LHFPL3: variants seen among roughly 807,000 people sequenced by gnomAD.
LHFPL3 encodes LHFPL tetraspan subfamily member 3 protein.
LHFPL3 carries 5 observed loss-of-function variants against 19.3 expected under a neutral mutation model. The ratio of observed to expected loss-of-function variants is 0.26; its 90% confidence interval spans 0.14 to 0.54. The LOEUF is 0.54. LHFPL3 is among the 20% of genes least tolerant of loss of function. The pLI, the probability that LHFPL3 is intolerant of heterozygous loss-of-function variation, is 0.94. For synonymous variants in LHFPL3, 133 were observed against 126.2 expected (o/e 1.05, Z -0.36); for missense variants, 249 against 307.4 (o/e 0.81, Z 1.42).
intron 1 of LHFPL3, among the ~76,000 whole-genome samples, chr7:104,680,578 C>T (rs1285439546): frequency 2.6e-5 from 4 of 152,184 alleles, no homozygotes; most frequent in African/African-American, 9.7e-5. Context: ...GCCATAGAAA[C>T]ACCTCCCCTT....
At chr7:104,420,591 G>A (rs1791710402) in intron 1 of LHFPL3, among the ~76,000 whole-genome samples, 2 of 117,676 alleles carry the variant, frequency 1.7e-5, no homozygotes, top group African/African-American at 6.5e-5. Context: ...ACGGAGTCTC[G>A]CTCTTTCGCC....
At chr7:104,343,793 C>A (rs1036967927) in intron 1 of LHFPL3, among the ~76,000 whole-genome samples, 4 of 151,528 alleles carry the variant, frequency 2.6e-5, no homozygotes, top group African/African-American at 7.3e-5. Context: ...TACCTGCTAC[C>A]CACTCCCCTG....
chr7:104,650,131 C>A (rs1792005183), intron 1 of LHFPL3, among the ~76,000 whole-genome samples: 1 of 152,198 alleles, frequency 6.6e-6, no homozygotes, highest in African/African-American at 2.4e-5. Context: ...GAGCACAAGT[C>A]TGCAGTTGCT....
intron 2 of LHFPL3, among the ~76,000 whole-genome samples, chr7:104,887,437 G>A (rs919133622): frequency 6.6e-6 from 1 of 152,228 alleles, no homozygotes; most frequent in Non-Finnish European, 1.5e-5. Context: ...GGTAACTGGA[G>A]TGCAATCCCA....
At chr7:104,450,865 C>G (rs1792423640) in intron 1 of LHFPL3, among the ~76,000 whole-genome samples, 1 of 152,156 alleles carries the variant, frequency 6.6e-6, no homozygotes, top group Non-Finnish European at 1.5e-5. Flanking sequence ...TCATGACTTC[C>G]CTATGAATGT....
At chr7:104,748,343 G>C (rs1584512262) in intron 2 of LHFPL3, among the ~76,000 whole-genome samples, 2 of 148,618 alleles carry the variant, frequency 1.3e-5, no homozygotes, top group African/African-American at 4.9e-5. Flanking sequence ...CACCCGTAAA[G>C]GGTCTGTGCT....
At chr7:104,550,301 C>T (rs936633662) in intron 1 of LHFPL3, among the ~76,000 whole-genome samples, 4 of 151,862 alleles carry the variant, frequency 2.6e-5, no homozygotes, top group African/African-American at 7.3e-5. Context: ...GCACCATGGC[C>T]CAACTAGGTA....
chr7:104,493,461 C>G (rs11520992), intron 1 of LHFPL3, among the ~76,000 whole-genome samples: 78,330 of 151,488 alleles, frequency 0.52, 21,144 homozygotes, highest in Middle Eastern at 0.64. Context: ...CTCTCCTTTA[C>G]AGCGCATGTA....
In LHFPL3 at chr7:104,459,995, C is replaced by G. The variant is rs116230791; in HGVS notation, c.445+130771C>G. Among the ~76,000 whole-genome samples, 1,094 of 152,104 alleles carry G rather than the reference C, an allele frequency of 7.2e-3. 12 individuals carry two copies. The highest frequency in any genetic ancestry group is 0.025 in the African/African-American group (1,043 of 41,474). The stretch of plus-strand genomic sequence containing the variant: ...GTACCCAATGGTTATTTTTTCTGAT[C>G]CTCTCCTTCTTCTTACCCTCCACCC... On this transcript the variant is annotated intron_variant, in intron 1 of 2. Transcript: ENST00000424859.
At chr7:104,496,505 A>C (rs1793484913) in intron 1 of LHFPL3, among the ~76,000 whole-genome samples, 1 of 152,202 alleles carries the variant, frequency 6.6e-6, no homozygotes, top group Non-Finnish European at 1.5e-5. Context: ...TGGCTGGGTC[A>C]AATGGTATTT....
chr7:104,455,881 G>A (rs914090416), intron 1 of LHFPL3, among the ~76,000 whole-genome samples: 5 of 152,220 alleles, frequency 3.3e-5, no homozygotes, highest in Admixed American at 6.5e-5. Context: ...AAACCATTGC[G>A]TGTAATTTTT....
intron 1 of LHFPL3, among the ~76,000 whole-genome samples, chr7:104,431,350 C>G (rs1203409193): frequency 6.6e-6 from 1 of 152,162 alleles, no homozygotes; most frequent in African/African-American, 2.4e-5. Flanking sequence ...ATAGTACTGT[C>G]TATGTTTCCC....
intron 1 of LHFPL3, among the ~76,000 whole-genome samples, chr7:104,551,489 C>T (rs1352763212): frequency 6.6e-6 from 1 of 152,096 alleles, no homozygotes; most frequent in East Asian, 1.9e-4. Context: ...TGCCCTTCCA[C>T]CCCTCCCTTG....
At chr7:104,773,585 C>T (rs1276481747) in intron 2 of LHFPL3, among the ~76,000 whole-genome samples, 1 of 152,210 alleles carries the variant, frequency 6.6e-6, no homozygotes, top group Non-Finnish European at 1.5e-5. Context: ...ACTCCAGTAT[C>T]TCAGAATCTG....
intron 1 of LHFPL3, among the ~76,000 whole-genome samples, chr7:104,671,321 A>C (rs1308506242): frequency 6.6e-6 from 1 of 151,560 alleles, no homozygotes; most frequent in African/African-American, 2.4e-5. Context: ...CTTCATGTCT[A>C]CTCTCCTTCC....
intron 1 of LHFPL3, among the ~76,000 whole-genome samples, chr7:104,721,504 G>A (rs185288335): frequency 2.1e-4 from 32 of 151,908 alleles, no homozygotes; most frequent in African/African-American, 7.0e-4. Flanking sequence ...AAACCTGCAC[G>A]TTGTGCACAT....
chr7:104,769,645 T>G (rs888286323), intron 2 of LHFPL3, among the ~76,000 whole-genome samples: 2 of 146,814 alleles, frequency 1.4e-5, no homozygotes, highest in Non-Finnish European at 3.0e-5. Flanking sequence ...GTGTGTGATG[T>G]TCCCCTCCCT....
chr7:104,886,752 A>C (rs1792156183), intron 2 of LHFPL3, among the ~76,000 whole-genome samples: 1 of 152,244 alleles, frequency 6.6e-6, no homozygotes, highest in South Asian at 2.1e-4. Flanking sequence ...TTACAAACTC[A>C]GCTTTTACCC....
intron 1 of LHFPL3, among the ~76,000 whole-genome samples, chr7:104,335,081 A>G (rs1024404): frequency 0.58 from 88,199 of 151,988 alleles, 26,593 homozygotes; most frequent in African/African-American, 0.74. Flanking sequence ...TTCTGAATGT[A>G]CTGAGCTCTG....
Sources: allele counts gnomAD v4.1 joint callset (sites outside exome capture counted in the v4.1 genomes callset), GRCh38; gene constraint gnomAD v4.1.1; transcripts MANE v1.5; gene names NCBI Gene and HGNC (gene_info 2026-07-23, HGNC 2026-07-21).